The following IGSF11 variants were observed in gnomAD, a reference collection of about 807,000 sequenced individuals.
IGSF11 encodes the protein immunoglobulin superfamily member 11.
Under a neutral mutation model 41.0 loss-of-function variants are expected in IGSF11, and 22 were observed. That is an observed-to-expected ratio of 0.54 (90% confidence interval 0.38 to 0.77). The LOEUF is 0.77. Ranked by LOEUF, IGSF11 falls within the 30% of genes least tolerant of loss-of-function variation. The pLI is 0.00. For missense variants in IGSF11, 444 were observed against 530.8 expected (o/e 0.84, Z 1.61); for synonymous variants, 219 against 201.3 (o/e 1.09, Z -0.74).
chr3:119,004,360 T>C (rs1401254000), intron 1 of IGSF11, among the ~76,000 whole-genome samples: 1 of 150,168 alleles, frequency 6.7e-6, no homozygotes, highest in Non-Finnish European at 1.5e-5. Context: ...TCTTTTTTTC[T>C]TTATTAGTCT....
upstream of IGSF11, among the ~76,000 whole-genome samples, chr3:119,109,512 G>C (rs377290829): frequency 4.6e-5 from 7 of 151,974 alleles, no homozygotes; most frequent in East Asian, 3.9e-4. Context: ...AGTGGTCTAT[G>C]AATTTTGTTG....
chr3:118,971,570 C>T (rs1933424218), intron 1 of IGSF11, among the ~76,000 whole-genome samples: 2 of 152,132 alleles, frequency 1.3e-5, no homozygotes, highest in South Asian at 2.1e-4. Flanking sequence ...TTCGGGAGGC[C>T]GAGGTGGGTG....
rs1287058424 is a variant in IGSF11, at chr3:119,049,774, C to G, written c.49+55370G>C. ...TACTACAAGGCTACAGTAACCAAAA[C>G]AGCATGTTACTGGTACCAAAACAGA... On this transcript the variant is annotated intron_variant, in intron 1 of 6. Transcript: ENST00000354673. 3.3e-5 allele frequency among the ~76,000 whole-genome samples: 5 copies of G among 151,484 alleles called. No homozygotes were observed. The East Asian group carries it at 9.7e-4, about 29-fold the overall frequency.
At chr3:118,997,124 T>C (rs1404899316) in intron 1 of IGSF11, among the ~76,000 whole-genome samples, 7 of 152,012 alleles carry the variant, frequency 4.6e-5, no homozygotes, top group African/African-American at 1.7e-4. Context: ...GCCTCACTAT[T>C]TCAGGACTAA....
intron 1 of IGSF11, among the ~76,000 whole-genome samples, chr3:118,986,481 T>C (rs1180729859): frequency 6.6e-6 from 1 of 152,208 alleles, no homozygotes; most frequent in Non-Finnish European, 1.5e-5. Flanking sequence ...TAGGCACAAG[T>C]GGGGAATTTA....
At chr3:118,932,022 C>T (rs1439319085) in intron 1 of IGSF11, among the ~76,000 whole-genome samples, 2 of 152,064 alleles carry the variant, frequency 1.3e-5, no homozygotes, top group Non-Finnish European at 2.9e-5. Flanking sequence ...CGTGAGCCAC[C>T]GCACCTGGCC....
chr3:119,106,987 T>C (rs1050956874), upstream of IGSF11, among the ~76,000 whole-genome samples: 8 of 152,370 alleles, frequency 5.3e-5, no homozygotes, highest in South Asian at 1.2e-3. Flanking sequence ...CAGTCTATCA[T>C]TGTTGGACAT....
chr3:118,908,846 C>A (rs1490123164), intron 4 of IGSF11, among the ~76,000 whole-genome samples: 1 of 152,200 alleles, frequency 6.6e-6, no homozygotes, highest in Non-Finnish European at 1.5e-5. Context: ...CTGCTAAGAG[C>A]ATGTTCCAGT....
At chr3:119,017,866 T>C (rs2107707367) in intron 1 of IGSF11, among the ~76,000 whole-genome samples, 1 of 142,946 alleles carries the variant, frequency 7.0e-6, no homozygotes, top group Admixed American at 7.5e-5. Context: ...CACTGCAACC[T>C]CTGCCTCCTG....
At chr3:118,994,798 TAC>T (rs1936114270) in intron 1 of IGSF11, among the ~76,000 whole-genome samples, 1 of 152,188 alleles carries the variant, frequency 6.6e-6, no homozygotes, top group South Asian at 2.1e-4. Flanking sequence ...AGAGAAATAT[TAC>T]AGAGAAGGGA....
At chr3:118,934,635 C>T (rs1339471356) in intron 1 of IGSF11, among the ~76,000 whole-genome samples, 1 of 152,168 alleles carries the variant, frequency 6.6e-6, no homozygotes, top group Non-Finnish European at 1.5e-5. Context: ...CTCAAAGGCA[C>T]CTCAAAAGTG....
At chr3:119,017,282 A>G (rs1379301913) in intron 1 of IGSF11, among the ~76,000 whole-genome samples, 1 of 152,236 alleles carries the variant, frequency 6.6e-6, no homozygotes, top group Non-Finnish European at 1.5e-5. Context: ...TAGATGGTAT[A>G]CAGCCTACTA....
Position 119,096,811 on chromosome 3 carries a change from A to C in IGSF11, c.49+8333T>G, listed in dbSNP as rs76521889. On this transcript the variant is annotated intron_variant, in intron 1 of 6. Coordinates refer to the IGSF11 transcript ENST00000354673. ...TTCTCTCTCTTGCAGGCCCAATTTC[A>C]TCTTTTAGAGCCTTAGGCAAAAAGG... Among the ~76,000 whole-genome samples, 2,280 of 152,324 alleles carry C rather than the reference A, an allele frequency of 0.015. 90 individuals carry two copies. The East Asian group carries it at 0.16, about 10-fold the overall frequency.
intron 1 of IGSF11, among the ~76,000 whole-genome samples, chr3:119,078,588 T>C (rs2076539547): frequency 6.6e-6 from 1 of 152,178 alleles, no homozygotes; most frequent in African/African-American, 2.4e-5. Context: ...AAGATTTATG[T>C]GTAAAACCTA....
intron 4 of IGSF11, among the ~76,000 whole-genome samples, chr3:118,908,948 A>C (rs1197518596): frequency 6.6e-6 from 1 of 152,158 alleles, no homozygotes; most frequent in Non-Finnish European, 1.5e-5. Context: ...TAGTTTCCTC[A>C]TCTGTAATAT....
chr3:118,922,471 T>A (rs1014778700), intron 4 of IGSF11, among the ~76,000 whole-genome samples: 1 of 151,974 alleles, frequency 6.6e-6, no homozygotes, highest in African/African-American at 2.4e-5. Context: ...ATTTCTAGCA[T>A]ACAATACAGT....
intron 1 of IGSF11, among the ~76,000 whole-genome samples, chr3:118,943,432 G>A (rs1943862540): frequency 6.6e-6 from 1 of 152,150 alleles, no homozygotes; most frequent in African/African-American, 2.4e-5. Flanking sequence ...AGAAATCATA[G>A]TTTAAAGACA....
rs553062638 is a variant in IGSF11 at position 119,081,870 on chromosome 3, T to C, written c.49+23274A>G. Among the ~76,000 whole-genome samples, 4 of 152,278 alleles carry C rather than the reference T, an allele frequency of 2.6e-5. No individual in the cohort carries two copies. The East Asian group carries it at 7.7e-4, about 29-fold the overall frequency. On this transcript the variant is annotated intron_variant, in intron 1 of 6. Coordinates refer to the IGSF11 transcript ENST00000354673. The stretch of plus-strand genomic sequence containing the variant: ...TTTAGGGACAAGAAACCTCCTTTGG[T>C]ACAAGAAACACTTCTTGGCCTGTGA...
At chr3:119,114,036 G>A (rs1695924692) in intron 1 of IGSF11, among the ~76,000 whole-genome samples, 1 of 152,224 alleles carries the variant, frequency 6.6e-6, no homozygotes, top group Admixed American at 6.5e-5. Context: ...CAGCTAGGAT[G>A]CAAGGAGCAG....
Sources: allele counts gnomAD v4.1 joint callset (sites outside exome capture counted in the v4.1 genomes callset), GRCh38; gene constraint gnomAD v4.1.1; transcripts MANE v1.5; gene names NCBI Gene and HGNC (gene_info 2026-07-23, HGNC 2026-07-21).